FRMD4A: variants seen among roughly 807,000 people sequenced by gnomAD.
FRMD4A encodes the protein FERM domain-containing protein 4A.
FRMD4A carries 29 observed loss-of-function variants against 129.1 expected under a neutral mutation model. That is an observed-to-expected ratio of 0.22 (90% CI 0.17 to 0.31). The LOEUF (loss-of-function observed/expected upper bound fraction) is 0.31, where lower values mean the gene tolerates loss of function less well. Ranked by LOEUF, FRMD4A falls within the 10% of genes least tolerant of loss-of-function variation. FRMD4A has a pLI of 1.00. For missense variants in FRMD4A, 1,272 were observed against 1,375.8 expected (o/e 0.92, Z 1.19); for synonymous variants, 634 against 571.6 (o/e 1.11, Z -1.56).
intron 2 of FRMD4A, among the ~76,000 whole-genome samples, chr10:13,912,162 A>G (rs2094947449): frequency 6.6e-6 from 1 of 152,322 alleles, no homozygotes; most frequent in Admixed American, 6.5e-5. Flanking sequence ...TATTATAGAA[A>G]AGAATGCAAA....
intron 12 of FRMD4A, among the ~76,000 whole-genome samples, chr10:13,710,146 A>G (rs2087865967): frequency 6.6e-6 from 1 of 152,128 alleles, no homozygotes; most frequent in Non-Finnish European, 1.5e-5. Flanking sequence ...CCTAATGGGC[A>G]GGCCTGGGAG....
At chr10:13,981,082 A>G (rs563502181) in intron 2 of FRMD4A, among the ~76,000 whole-genome samples, 102 of 152,326 alleles carry the variant, frequency 6.7e-4, no homozygotes, top group African/African-American at 2.4e-3. Context: ...ATAAAAATAT[A>G]TGCATTTGGA....
intron 2 of FRMD4A, among the ~76,000 whole-genome samples, chr10:14,178,683 TC>T (rs374574962): frequency 1.2e-4 from 18 of 152,228 alleles, no homozygotes; most frequent in African/African-American, 4.3e-4. Flanking sequence ...TACCAAAGTA[TC>T]CAGAAGCAAG....
At chr10:13,662,302 G>A (rs1234466289) in intron 19 of FRMD4A, among the ~76,000 whole-genome samples, 1 of 152,096 alleles carries the variant, frequency 6.6e-6, no homozygotes, top group Non-Finnish European at 1.5e-5. Context: ...CAAGGTGACT[G>A]GGTAAATAAT....
Position 13,646,320 on chromosome 10 carries a change from G to C in FRMD4A, c.*718C>G, listed in dbSNP as rs1429185430. Reference sequence around the variant, plus strand: ...CTCTTGGCCCCTCTTAATTTTTTATGTTTTTATTTATTTTTAATCTTTGGC... The same window carrying C: ...CTCTTGGCCCCTCTTAATTTTTTATCTTTTTATTTATTTTTAATCTTTGGC... On this transcript the variant is annotated 3_prime_UTR_variant, in exon 25 of 25. Transcript: ENST00000357447. The C allele has an allele frequency of 2.1e-4, 32 of 152,564 alleles. No homozygotes were observed. Among genetic ancestry groups the C allele is most frequent in the Non-Finnish European group, 1.5e-5 (1 of 68,022 alleles). 9.5% of individuals were successfully genotyped at this position (152,564 alleles called of 1,614,324 possible).
intron 12 of FRMD4A, among the ~76,000 whole-genome samples, chr10:13,731,438 G>A (rs1409105220): frequency 6.6e-6 from 1 of 152,120 alleles, no homozygotes; most frequent in East Asian, 1.9e-4. Context: ...CCCCTGAGGT[G>A]AGGAGATCAA....
intron 2 of FRMD4A, among the ~76,000 whole-genome samples, chr10:14,166,662 G>A (rs779420770): frequency 8.5e-5 from 13 of 152,174 alleles, no homozygotes. Flanking sequence ...CAAACAGTCA[G>A]TCAATGCTGG....
At chr10:13,703,750 C>A (rs183087582) in intron 13 of FRMD4A, among the ~76,000 whole-genome samples, 74 of 152,134 alleles carry the variant, frequency 4.9e-4, no homozygotes, top group Non-Finnish European at 4.4e-5. Flanking sequence ...TGCAATGATA[C>A]CAACATAAAA....
chr10:13,877,625 C>T (rs1881586), intron 2 of FRMD4A, among the ~76,000 whole-genome samples: 84,533 of 152,098 alleles, frequency 0.56, 23,729 homozygotes, highest in South Asian at 0.69. Context: ...GACATCCACA[C>T]GGAGCAGTCC....
intron 2 of FRMD4A, among the ~76,000 whole-genome samples, chr10:14,126,180 T>TTTC (rs1345968834): frequency 6.6e-6 from 1 of 150,418 alleles, no homozygotes; most frequent in Admixed American, 6.6e-5. Context: ...TTTTTTTTTT[T>TTTC]TTTTTTTTGA....
At chr10:14,031,424 T>C (rs900702654) in intron 2 of FRMD4A, among the ~76,000 whole-genome samples, 3 of 152,244 alleles carry the variant, frequency 2.0e-5, no homozygotes, top group Non-Finnish European at 4.4e-5. Context: ...CCAACCACCA[T>C]GCCTGGCTAA....
intron 2 of FRMD4A, among the ~76,000 whole-genome samples, chr10:14,185,703 G>T (rs1332497713): frequency 6.6e-6 from 1 of 152,156 alleles, no homozygotes; most frequent in Non-Finnish European, 1.5e-5. Context: ...GCTCAACAGT[G>T]GCACCTTCAG....
chr10:13,727,941 C>T (rs1440439891), intron 12 of FRMD4A: 1 of 152,198 alleles, frequency 6.6e-6, no homozygotes, highest in African/African-American at 2.4e-5. Context: ...ATTTGACTGC[C>T]TTTCCTGCTA....
intron 2 of FRMD4A, among the ~76,000 whole-genome samples, chr10:13,886,632 G>A (rs550478860): frequency 2.6e-5 from 4 of 152,148 alleles, no homozygotes; most frequent in Non-Finnish European, 5.9e-5. Flanking sequence ...CCAGGCTGGA[G>A]CGCAATGGTG....
chr10:14,097,584 A>G (rs1231749042), intron 2 of FRMD4A, among the ~76,000 whole-genome samples: 1 of 152,104 alleles, frequency 6.6e-6, no homozygotes, highest in Non-Finnish European at 1.5e-5. Flanking sequence ...GAAACTTTGG[A>G]CTGTTGGATT....
intron 2 of FRMD4A, among the ~76,000 whole-genome samples, chr10:13,860,026 T>C (rs2094272194): frequency 6.6e-6 from 1 of 152,184 alleles, no homozygotes. Context: ...ACTGGCTTTC[T>C]GGAAGGAAAA....
At position 14,001,829 on chromosome 10, in the gene FRMD4A, G is replaced by C. The variant is rs527931669; in HGVS notation, c.46-142917C>G. Among the ~76,000 whole-genome samples the C allele has an allele frequency of 6.6e-5, 10 of 152,280 alleles. No individual in the cohort carries two copies. In the South Asian group the frequency reaches 2.1e-3, roughly 32 times the overall value. On this transcript the variant is annotated intron_variant, in intron 2 of 24. Transcript: ENST00000357447. The stretch of plus-strand genomic sequence containing the variant: ...ATAATATGTGTGAATACACTGATCT[G>C]TCTGAACAGTTCTTGGCTGCCTGCG...
In FRMD4A at chr10:14,322,526, G is replaced by A. The variant is rs149126089; in HGVS notation, c.45+7532C>T. 2.4e-3 allele frequency among the ~76,000 whole-genome samples: 368 copies of A among 152,292 alleles called. 2 individuals are homozygous for A. The highest frequency in any genetic ancestry group is 8.3e-3 in the African/African-American group (345 of 41,558). On this transcript the variant is annotated intron_variant, in intron 2 of 24. Coordinates refer to ENST00000357447, the MANE Select transcript of FRMD4A (RefSeq NM_018027.5). ...GGGAGCCATTAGCGTACAGATGACA[G>A]GGAAAACCATGGGTGTGCATGATGT...
chr10:13,905,263 A>G (rs896014805), intron 2 of FRMD4A, among the ~76,000 whole-genome samples: 6 of 152,180 alleles, frequency 3.9e-5, no homozygotes, highest in Admixed American at 3.9e-4. Flanking sequence ...TTTCTATTAG[A>G]TCTTGAAATA....
Sources: gnomAD v4.1 joint callset for allele counts (sites outside exome capture counted in the v4.1 genomes callset) on GRCh38, gnomAD v4.1.1 for gene constraint, MANE v1.5 for transcripts, NCBI Gene and HGNC (gene_info 2026-07-23, HGNC 2026-07-21) for gene names.